The following TMEM11 variants were observed in gnomAD, a reference collection of about 807,000 sequenced individuals.
TMEM11 encodes the protein transmembrane protein 11, also known as transmembrane protein 11, mitochondrial.
A neutral mutation model predicts 17.0 loss-of-function variants in TMEM11; 1 was observed. The observed-to-expected ratio is 0.06, with a 90% confidence interval of 0.02 to 0.28. TMEM11 has a LOEUF of 0.28. TMEM11 is among the 10% of genes least tolerant of loss of function. The pLI, the probability that TMEM11 is intolerant of heterozygous loss-of-function variation, is 1.00. For missense variants in TMEM11, 172 were observed against 252.9 expected, an observed-to-expected ratio of 0.68 and a Z score of 2.17; for synonymous variants, 122 against 118.1, an observed-to-expected ratio of 1.03 and a Z score of -0.21.
At chr17:21,199,516 C>G (rs1280818026) in intron 1 of TMEM11, among the ~76,000 whole-genome samples, 1 of 152,132 alleles carries the variant, frequency 6.6e-6, no homozygotes, top group Non-Finnish European at 1.5e-5. Flanking sequence ...AGAGGGCCAA[C>G]AGCCTGAAAG....
intron 1 of TMEM11, among the ~76,000 whole-genome samples, chr17:21,205,101 T>TCC (rs1169348213): frequency 6.6e-6 from 1 of 151,950 alleles, no homozygotes; most frequent in East Asian, 1.9e-4. Flanking sequence ...ACACTAGCAT[T>TCC]CCAGTTAAAA....
At chr17:21,201,680 G>A (rs528290329) in intron 1 of TMEM11, among the ~76,000 whole-genome samples, 5 of 152,216 alleles carry the variant, frequency 3.3e-5, no homozygotes, top group African/African-American at 9.6e-5. Context: ...GGAGTGCAGT[G>A]GTGTGATCTC....
chr17:21,198,609 C>A lies in TMEM11; in HGVS notation c.294G>T (p.Ala98=). The A allele has an allele frequency of 6.2e-7, 1 of 1,613,810 alleles. No individual in the cohort carries two copies. The highest frequency in any genetic ancestry group is 8.5e-7 in the Non-Finnish European group (1 of 1,179,890). Residue 98 remains alanine (A), a synonymous_variant, in exon 2 of 2, where the codon GCG becomes GCT. Transcript: ENST00000317635. This position sits in a 1 kb window ranked among gnomAD's most constrained non-coding sequence, Gnocchi z 6.5. ...AGTACLFTPL[A]LPLDYSHYIS... is the part of the protein sequence containing the mutation. The stretch of plus-strand genomic sequence containing the variant: ...TGTAGTGGGAATAATCTAAGGGCAG[C>A]GCCAACGGGGTGAAGAGGCAGGCGG...
chr17:21,212,719 C>T (rs942526592), intron 1 of TMEM11, among the ~76,000 whole-genome samples: 1 of 152,212 alleles, frequency 6.6e-6, no homozygotes, highest in African/African-American at 2.4e-5. Context: ...TTTTCAGATG[C>T]TTTTAGTCCA....
intron 1 of TMEM11, among the ~76,000 whole-genome samples, chr17:21,200,834 A>G (rs1357653154): frequency 6.6e-6 from 1 of 152,112 alleles, no homozygotes; most frequent in East Asian, 1.9e-4. Flanking sequence ...TGCAGAGGAG[A>G]GTCATGGGGA....
At position 21,198,956 on chromosome 17, in the gene TMEM11, A is replaced by G; in HGVS notation, c.63-116T>C. On this transcript the variant is annotated intron_variant, in intron 1 of 1. Coordinates refer to ENST00000317635, the MANE Select transcript of TMEM11 (RefSeq NM_003876.3). The surrounding 1 kb of genome is among the most constrained non-coding windows in gnomAD (Gnocchi z 6.5). ...GGTCTGAGCCTGCACTGCGGAGAGC[A>G]CATCTCACTTGGGTCCTCATCTCCT... 1 of 1,129,104 alleles carries G rather than the reference A, an allele frequency of 8.9e-7. No individual in the cohort carries two copies. 69.9% of individuals were successfully genotyped at this position (1,129,104 alleles called of 1,614,324 possible).
At chr17:21,209,655 G>C (rs951569050) in intron 1 of TMEM11, among the ~76,000 whole-genome samples, 3 of 152,192 alleles carry the variant, frequency 2.0e-5, no homozygotes, top group African/African-American at 7.2e-5. Context: ...TGTGGTCCCA[G>C]CTACTCGGGA....
rs1251448632 is a variant in TMEM11 at position 21,198,249 on chromosome 17, A to G, written c.*75T>C. The G allele has an allele frequency of 1.3e-6, 2 of 1,507,582 alleles. No individual in the cohort carries two copies. The highest frequency in any genetic ancestry group is 4.6e-5 in the East Asian group (2 of 43,938). The allele number at this position is 1,507,582 out of a possible 1,614,324, so 93.4% of individuals were successfully genotyped here. On this transcript the variant is annotated 3_prime_UTR_variant, in exon 2 of 2. Transcript: ENST00000317635. The surrounding 1 kb of genome is among the most constrained non-coding windows in gnomAD (Gnocchi z 6.5). The stretch of plus-strand genomic sequence containing the variant: ...ACCTGCCCAGGCTCTGCTGCCTCAC[A>G]GAGTGTGGCGATCTGAATACTCTGT...
chr17:21,205,723 C>A (rs1278508809), intron 1 of TMEM11, among the ~76,000 whole-genome samples: 1 of 151,952 alleles, frequency 6.6e-6, no homozygotes. Flanking sequence ...AACCCCAAGC[C>A]CCTGCAAACT....
rs187424551 is a variant in TMEM11 at position 21,198,974 on chromosome 17, C to T, written c.63-134G>A. The T allele has an allele frequency of 1.5e-5, 14 of 923,004 alleles. No homozygotes were observed. The African/African-American group carries it at 2.0e-4, about 13-fold the overall frequency. 57.2% of individuals were successfully genotyped at this position (923,004 alleles called of 1,614,324 possible). On this transcript the variant is annotated intron_variant, in intron 1 of 1. Coordinates refer to ENST00000317635, the MANE Select transcript of TMEM11 (RefSeq NM_003876.3). This position sits in a 1 kb window ranked among gnomAD's most constrained non-coding sequence, Gnocchi z 6.5. ...GGAGAGCACATCTCACTTGGGTCCT[C>T]ATCTCCTTTAAATCCCAACACAAGA...
At chr17:21,210,792 CTT>C (rs1974994754) in intron 1 of TMEM11, 3 of 884,478 alleles carry the variant, frequency 3.4e-6, no homozygotes. Flanking sequence ...CAACAAATAA[CTT>C]CGCGCTAAAC....
rs1974847058 is a variant in TMEM11 at position 21,198,686 on chromosome 17, G to A, written c.217C>T (p.Arg73Cys). 2 of 1,614,102 alleles carry A rather than the reference G, an allele frequency of 1.2e-6. No homozygotes were observed. Among genetic ancestry groups the A allele is most frequent in the Non-Finnish European group, 1.7e-6 (2 of 1,180,046 alleles). ...AGGCAGTTGCCCACGGTGATCCAGC[G>A]GGCTGTCTCGTCGCCAATGCGAGTG... The part of the protein sequence containing the change: ...EPTRIGDETA[R>C]WITVGNCLHK... The change falls in exon 2 of 2, where the codon CGC becomes TGC. Residue 73 changes from arginine (R) to cysteine (C), a missense_variant. Around this residue, in one of 2 missense-constraint regions of TMEM11, gnomAD observed 123 missense variants for 213.6 expected, o/e 0.58. Coordinates refer to ENST00000317635, the MANE Select transcript of TMEM11 (RefSeq NM_003876.3). This position sits in a 1 kb window ranked among gnomAD's most constrained non-coding sequence, Gnocchi z 6.5.
chr17:21,198,803 CATGCACA>C lies in TMEM11; in HGVS notation c.93_99del (p.Ile31MetfsTer29). On this transcript the variant is annotated frameshift_variant, in exon 2 of 2. Coordinates refer to ENST00000317635, the MANE Select transcript of TMEM11 (RefSeq NM_003876.3). LOFTEE classifies it high-confidence loss of function. This position sits in a 1 kb window ranked among gnomAD's most constrained non-coding sequence, Gnocchi z 6.5. ...TGGGCATTCTCCCCATTGTAGATCT[CATGCACA>C]ATGTAGCAGTCTGTGGCCGACAAGC... 2 of 1,613,820 alleles carry C rather than the reference CATGCACA, an allele frequency of 1.2e-6. No homozygotes were observed. The highest frequency in any genetic ancestry group is 1.7e-6 in the Non-Finnish European group (2 of 1,179,964).
chr17:21,212,836 A>G (rs978031083), intron 1 of TMEM11, among the ~76,000 whole-genome samples: 1 of 151,940 alleles, frequency 6.6e-6, no homozygotes, highest in Non-Finnish European at 1.5e-5. Flanking sequence ...AGAGCATCTG[A>G]AAACCATTGA....
intron 1 of TMEM11, 47 bp downstream of exon 1, chr17:21,214,044 G>A: frequency 6.4e-7 from 1 of 1,569,052 alleles, no homozygotes; most frequent in South Asian, 1.1e-5. Context: ...TGGGCTCTCC[G>A]GCCGCTGAGC....
At chr17:21,201,483 A>C (rs1974883107) in intron 1 of TMEM11, among the ~76,000 whole-genome samples, 1 of 151,728 alleles carries the variant, frequency 6.6e-6, no homozygotes, top group African/African-American at 2.4e-5. Context: ...TGAAATGATG[A>C]GCTGTTACTG....
intron 1 of TMEM11, chr17:21,211,355 TC>T: frequency 1.5e-6 from 1 of 664,038 alleles, no homozygotes; most frequent in Non-Finnish European, 2.3e-6. Flanking sequence ...GGAAATGTCC[TC>T]CACCTATGCT....
At chr17:21,206,913 C>T (rs77011344) in intron 1 of TMEM11, among the ~76,000 whole-genome samples, 8,563 of 152,160 alleles carry the variant, frequency 0.056, 361 homozygotes, top group African/African-American at 0.12. Flanking sequence ...CGGAGGTGAA[C>T]GATGAAGTGG....
chr17:21,201,359 C>T (rs963826053), intron 1 of TMEM11, among the ~76,000 whole-genome samples: 7 of 152,214 alleles, frequency 4.6e-5, no homozygotes, highest in South Asian at 2.1e-4. Flanking sequence ...CCTAATTAAA[C>T]GGCATGCACT....
Sources: gnomAD v4.1 joint callset for allele counts (sites outside exome capture counted in the v4.1 genomes callset) on GRCh38, gnomAD v4.1.1 for gene constraint, gnomAD v4.1.1 regional missense constraint, Gnocchi (gnomAD v3.1) non-coding constraint, MANE v1.5 for transcripts, NCBI Gene and HGNC (gene_info 2026-07-23, HGNC 2026-07-21) for gene names.